Variants in OLA1 observed in about 807,000 individuals in gnomAD.
OLA1 encodes the protein Obg like ATPase 1.
In OLA1, 14 loss-of-function variants were observed where a neutral mutation model predicts 48.4. That is an observed-to-expected ratio of 0.29 (90% CI 0.19 to 0.45). OLA1 has a LOEUF of 0.45. Ranked by LOEUF, OLA1 falls within the 20% of genes least tolerant of loss-of-function variation. The pLI is 1.00. For synonymous variants in OLA1, 127 were observed against 150.4 expected (o/e 0.84, Z 1.14); for missense variants, 325 against 467.1 (o/e 0.70, Z 2.80).
intron 6 of OLA1, 141 bp from the exon 7 acceptor site, chr2:174,123,418 G>T: frequency 1.7e-6 from 1 of 600,746 alleles, no homozygotes; most frequent in Non-Finnish European, 2.8e-6. Context: ...AAGATTAGTG[G>T]TTATGAAATA....
intron 7 of OLA1, among the ~76,000 whole-genome samples, chr2:174,104,587 T>C (rs1353154479): frequency 1.3e-5 from 2 of 152,064 alleles, no homozygotes; most frequent in Non-Finnish European, 2.9e-5. Flanking sequence ...TCTTGGCATA[T>C]ACCAGCATAA....
intron 4 of OLA1, among the ~76,000 whole-genome samples, chr2:174,186,757 G>C (rs143245940): frequency 1.0e-3 from 159 of 152,168 alleles, no homozygotes; most frequent in African/African-American, 2.8e-3. Context: ...ATAGGTAACA[G>C]TGATAAGAAA....
At chr2:174,120,498 C>CTTG (rs1408649045) in intron 7 of OLA1, among the ~76,000 whole-genome samples, 1 of 152,186 alleles carries the variant, frequency 6.6e-6, no homozygotes, top group African/African-American at 2.4e-5. Flanking sequence ...ATCTTGATTA[C>CTTG]TGTCATTTGA....
At chr2:174,134,572 A>G (rs1686257209) in intron 5 of OLA1, among the ~76,000 whole-genome samples, 1 of 152,218 alleles carries the variant, frequency 6.6e-6, no homozygotes, top group African/African-American at 2.4e-5. Flanking sequence ...TATACATTAA[A>G]ACATGTTATC....
At chr2:174,163,894 T>C (rs1431002680) in intron 4 of OLA1, among the ~76,000 whole-genome samples, 1 of 151,316 alleles carries the variant, frequency 6.6e-6, no homozygotes, top group Non-Finnish European at 1.5e-5. Flanking sequence ...GAAATGAAAC[T>C]TTTAAAACGT....
rs539506470 is a variant in OLA1 at position 174,099,188 on chromosome 2, G to A, written c.729-17124C>T. Among the ~76,000 whole-genome samples the A allele has an allele frequency of 1.5e-3, 222 of 150,534 alleles. 1 individual carries two copies. Among genetic ancestry groups the A allele is most frequent in the Non-Finnish European group, 2.8e-3 (187 of 67,702 alleles). On this transcript the variant is annotated intron_variant, in intron 7 of 10. Coordinates refer to ENST00000284719, the MANE Select transcript of OLA1 (RefSeq NM_013341.5). ...TTTTTTTTTTTTGAGACGGAGTCTC[G>A]CTCTGTCACCAGGCTGGAGTGCAGT...
intron 4 of OLA1, among the ~76,000 whole-genome samples, chr2:174,142,707 C>A (rs1032559829): frequency 6.6e-6 from 1 of 152,112 alleles, no homozygotes; most frequent in Non-Finnish European, 1.5e-5. Flanking sequence ...GTAAAACAAC[C>A]AGATATTACT....
intron 4 of OLA1, among the ~76,000 whole-genome samples, chr2:174,219,981 AAGT>A (rs1395955870): frequency 3.3e-5 from 5 of 151,920 alleles, no homozygotes; most frequent in Admixed American, 2.0e-4. Flanking sequence ...AAAATACAAA[AAGT>A]AGCCTGGTGT....
chr2:174,208,391 C>A (rs1213739597), intron 4 of OLA1, among the ~76,000 whole-genome samples: 1 of 152,146 alleles, frequency 6.6e-6, no homozygotes, highest in Non-Finnish European at 1.5e-5. Flanking sequence ...GAATTTTCCT[C>A]CCTCTGAAAA....
chr2:174,181,941 C>T (rs1185047339), intron 4 of OLA1, among the ~76,000 whole-genome samples: 1 of 152,192 alleles, frequency 6.6e-6, no homozygotes, highest in Non-Finnish European at 1.5e-5. Context: ...TATATAAGCA[C>T]TTTGAGGGCA....
intron 2 of OLA1, among the ~76,000 whole-genome samples, chr2:174,231,882 C>T (rs1688736187): frequency 6.6e-6 from 1 of 152,190 alleles, no homozygotes; most frequent in Non-Finnish European, 1.5e-5. Flanking sequence ...AGAAAAGCCT[C>T]GCGAAAGCAA....
At chr2:174,124,082 CAA>C (rs1469040493) in intron 5 of OLA1, among the ~76,000 whole-genome samples, 6 of 152,030 alleles carry the variant, frequency 3.9e-5, no homozygotes. Flanking sequence ...GAAAAACAAA[CAA>C]GACAAAATTG....
chr2:174,247,652 ACATAGATGAACACCCAC>A, intron 1 of OLA1: 1 of 1,550,788 alleles, frequency 6.4e-7, no homozygotes, highest in Non-Finnish European at 8.7e-7. Flanking sequence ...CCCATTTTTC[ACATAGATGAACACCCAC>A]CAGGTACTGG....
chr2:174,083,508 C>T (rs1684903118), intron 7 of OLA1, among the ~76,000 whole-genome samples: 1 of 151,782 alleles, frequency 6.6e-6, no homozygotes, highest in Admixed American at 6.6e-5. Flanking sequence ...AAAAAATGGA[C>T]CAAGTCCTAT....
chr2:174,136,021 T>C (rs1410402655), intron 5 of OLA1, among the ~76,000 whole-genome samples: 1 of 152,230 alleles, frequency 6.6e-6, no homozygotes, highest in Admixed American at 6.5e-5. Context: ...TAAACCTTAA[T>C]TTAAAAATAT....
intron 4 of OLA1, among the ~76,000 whole-genome samples, chr2:174,155,999 T>C (rs1244417161): frequency 6.6e-6 from 1 of 152,212 alleles, no homozygotes; most frequent in Non-Finnish European, 1.5e-5. Flanking sequence ...TATGCCTTAG[T>C]TTCCTCTGTA....
chr2:174,100,943 G>A (rs1041504252), intron 7 of OLA1, among the ~76,000 whole-genome samples: 3 of 152,148 alleles, frequency 2.0e-5, no homozygotes, highest in Non-Finnish European at 2.9e-5. Context: ...CATGTGAGCT[G>A]TTTCCAGTTT....
chr2:174,156,461 G>C (rs1165949491), intron 4 of OLA1, among the ~76,000 whole-genome samples: 1 of 149,818 alleles, frequency 6.7e-6, no homozygotes, highest in Non-Finnish European at 1.5e-5. Context: ...TGATGGAAAG[G>C]CTCTAACACT....
At chr2:174,239,934 T>G (rs1298589963) in intron 2 of OLA1, among the ~76,000 whole-genome samples, 1 of 151,842 alleles carries the variant, frequency 6.6e-6, no homozygotes, top group African/African-American at 2.4e-5. Context: ...CATACAATTA[T>G]GGATTGAATC....
Sources: allele counts gnomAD v4.1 joint callset (sites outside exome capture counted in the v4.1 genomes callset), GRCh38; gene constraint gnomAD v4.1.1; transcripts MANE v1.5; gene names NCBI Gene and HGNC (gene_info 2026-07-23, HGNC 2026-07-21).